MXRA8: variants seen among roughly 807,000 people sequenced by gnomAD.
MXRA8 encodes matrix remodeling-associated protein 8.
Under a neutral mutation model 51.4 loss-of-function variants are expected in MXRA8, and 44 were observed. That is an observed-to-expected ratio of 0.86 (90% CI 0.67 to 1.10). The LOEUF (loss-of-function observed/expected upper bound fraction) is 1.10, where lower values mean the gene tolerates loss of function less well. MXRA8 is among the 50% of genes least tolerant of loss of function. MXRA8 has a pLI of 0.00. For missense variants in MXRA8, 765 were observed against 638.9 expected, an observed-to-expected ratio of 1.20 and a Z score of -2.13; for synonymous variants, 369 against 293.5, an observed-to-expected ratio of 1.26 and a Z score of -2.63.
At chr1:1,358,580 C>T (rs1569809447), upstream of MXRA8, 2 of 1,550,656 alleles carry the variant, frequency 1.3e-6, no homozygotes, top group Non-Finnish European at 1.7e-6. Flanking sequence ...ACCCCCTCCC[C>T]CTCCTTAGCA....
chr1:1,354,320 C>T (rs1170340686), intron 6 of MXRA8, 34 bp downstream of exon 6: 2 of 1,600,924 alleles, frequency 1.2e-6, no homozygotes, highest in African/African-American at 1.3e-5. Flanking sequence ...ACCTCAGTCT[C>T]CTGGGGCCGC....
chr1:1,357,316 G>T (rs920259916), intron 1 of MXRA8, among the ~76,000 whole-genome samples: 1 of 152,122 alleles, frequency 6.6e-6, no homozygotes, highest in Non-Finnish European at 1.5e-5. Flanking sequence ...GCTGCCACCC[G>T]GGACAGTTTC....
At chr1:1,359,475 C>T (rs1442173627), upstream of MXRA8, 3 of 985,472 alleles carry the variant, frequency 3.0e-6, no homozygotes, top group East Asian at 1.1e-4. Context: ...CAACCACAAC[C>T]ACTAGAAACC....
At position 1,353,258 on chromosome 1, in the gene MXRA8, T is replaced by G; in HGVS notation, c.*346A>C. On this transcript the variant is annotated 3_prime_UTR_variant, in exon 10 of 10. Transcript: ENST00000309212. ...CCTGCCCTGAGGCTGACCCCAGTTTTGGGGCTGCCAGGTTCTGATGGGAGT... is the reference window on the plus strand; with the variant it reads ...CCTGCCCTGAGGCTGACCCCAGTTTGGGGGCTGCCAGGTTCTGATGGGAGT... 2 of 1,517,650 alleles carry G rather than the reference T, an allele frequency of 1.3e-6. No individual in the cohort carries two copies. The highest frequency in any genetic ancestry group is 1.8e-6 in the Non-Finnish European group (2 of 1,117,314). The allele number at this position is 1,517,650 out of a possible 1,614,324, so 94.0% of individuals were successfully genotyped here. A position where few individuals can be genotyped will look rare whatever the true frequency, so the allele number is the denominator to read the frequency against.
At chr1:1,361,381 C>G (rs1557688571), upstream of MXRA8, 1 of 698,962 alleles carries the variant, frequency 1.4e-6, no homozygotes, top group Non-Finnish European at 2.6e-6. Context: ...CCATGGCCCT[C>G]TTGGACCCCA....
chr1:1,353,862 A>C lies in MXRA8; in HGVS notation c.1289T>G (p.Ile430Ser), dbSNP rs763565394. 1 of 1,601,302 alleles carries C rather than the reference A, an allele frequency of 6.2e-7. No homozygotes were observed. Among genetic ancestry groups the C allele is most frequent in the Non-Finnish European group, 8.5e-7 (1 of 1,173,886 alleles). The change falls in exon 9 of 10, where the codon ATC becomes AGC. Residue 430 changes from isoleucine to serine, a missense_variant. Ile to Ser is a moderately radical substitution (Grantham distance 142, BLOSUM62 -2). Coordinates refer to ENST00000309212, the MANE Select transcript of MXRA8 (RefSeq NM_032348.4). Reference sequence around the variant, plus strand: ...CCGCCGCTCACCTTTGTCTAGGTCGATGTACTTGGCAGGCAGGGGGCTGTG... The same window carrying C: ...CCGCCGCTCACCTTTGTCTAGGTCGCTGTACTTGGCAGGCAGGGGGCTGTG... The part of the protein sequence containing the change: ...LAHSPLPAKY[I>S]DLDKGFRKEN...
At position 1,353,019 on chromosome 1, in the gene MXRA8, C is replaced by G. The variant is rs1044566367; in HGVS notation, c.*585G>C. 1.6e-5 allele frequency: 9 copies of G among 553,318 alleles called. No individual in the cohort carries two copies. Among genetic ancestry groups the G allele is most frequent in the Non-Finnish European group, 2.2e-5 (7 of 313,880 alleles). The allele number at this position is 553,318 out of a possible 1,614,324, so 34.3% of individuals were successfully genotyped here. On this transcript the variant is annotated 3_prime_UTR_variant, in exon 10 of 10. Transcript: ENST00000309212. ...ACACAGAGGAGCAAGGGCTGGCATT[C>G]AAGTCAGCAGGTCCCTGGGGAGAAC... is the stretch of plus-strand genomic sequence containing the variant.
chr1:1,359,308 AG>A, upstream of MXRA8: 1 of 985,396 alleles, frequency 1.0e-6, no homozygotes, highest in South Asian at 4.7e-5. Context: ...AGCCTCCTGG[AG>A]AAAGGGGAGA....
rs1285225721 is a variant in MXRA8, at chr1:1,354,045, C to T, written c.1207G>A (p.Glu403Lys). Residue 403 changes from glutamate (E) to lysine (K), a missense_variant, in exon 8 of 10, where the codon GAG becomes AAG. Transcript: ENST00000309212. The stretch of plus-strand genomic sequence containing the variant: ...ACTGCCTCACCTAGCTGGATGTCCT[C>T]ACTCCTGTAAAGCATCTGGTCCCCT... The part of the protein sequence containing the change: ...AAGDQMLYRS[E>K]DIQLDYKNNI... The T allele has an allele frequency of 6.2e-7, 1 of 1,612,964 alleles. No individual in the cohort carries two copies. Among genetic ancestry groups the T allele is most frequent in the East Asian group, 2.2e-5 (1 of 44,876 alleles).
At chr1:1,358,780 A>G (rs1042931684), upstream of MXRA8, 9 of 1,219,242 alleles carry the variant, frequency 7.4e-6, no homozygotes, top group Non-Finnish European at 8.3e-6. Flanking sequence ...GAGGGACAAG[A>G]AGGTCCGAGG....
At chr1:1,361,932 C>G (rs750390667), upstream of MXRA8, among the ~76,000 whole-genome samples, 19 of 152,224 alleles carry the variant, frequency 1.2e-4, no homozygotes, top group Non-Finnish European at 2.4e-4. Context: ...CCAAGGGGGT[C>G]TCAAGATATA....
In MXRA8 at chr1:1,358,471, G is replaced by C. The variant is rs1644176784; in HGVS notation, c.34C>G (p.Leu12Val). 1 of 1,612,632 alleles carries C rather than the reference G, an allele frequency of 6.2e-7. No homozygotes were observed. Among genetic ancestry groups the C allele is most frequent in the African/African-American group, 1.3e-5 (1 of 74,882 alleles). Residue 12 changes from leucine to valine, a missense_variant, in exon 1 of 10, where the codon CTT becomes GTT. Leu to Val is a conservative substitution (Grantham distance 32). Coordinates refer to ENST00000309212, the MANE Select transcript of MXRA8 (RefSeq NM_032348.4). ...CCACACTCACTCTGCAGAAGCACAA[G>C]TTTCCAAAGCAGGATTCGGGATGGC... The part of the protein sequence containing the change: ...ALPSRILLWK[L>V]VLLQSSAVLL...
chr1:1,356,374 C>T (rs1224232051), intron 2 of MXRA8, among the ~76,000 whole-genome samples: 2 of 84,998 alleles, frequency 2.4e-5, no homozygotes, highest in African/African-American at 4.8e-5. Flanking sequence ...GGGCAGACCC[C>T]GAAGGCCCTG....
At chr1:1,361,461 G>A, upstream of MXRA8, 1 of 610,548 alleles carries the variant, frequency 1.6e-6, no homozygotes, top group Admixed American at 2.6e-5. Context: ...GGCTGGAGGG[G>A]CGAGGACGGA....
At chr1:1,357,683 G>C (rs186663534) in intron 1 of MXRA8, among the ~76,000 whole-genome samples, 2 of 152,280 alleles carry the variant, frequency 1.3e-5, no homozygotes, top group African/African-American at 4.8e-5. Flanking sequence ...GGTAGTGGGC[G>C]CCTATAGTCC....
chr1:1,355,182 G>A lies in MXRA8; in HGVS notation c.479-30C>T, dbSNP rs780382490. On this transcript the variant is annotated intron_variant, in intron 4 of 9. Coordinates refer to ENST00000309212, the MANE Select transcript of MXRA8 (RefSeq NM_032348.4). Reference sequence around the variant, plus strand: ...GGAGGGGGCGCGGTCAGCGGCGCGCGGGCCGGGGCGGCGGTCGAGGGTCGA... The same window carrying A: ...GGAGGGGGCGCGGTCAGCGGCGCGCAGGCCGGGGCGGCGGTCGAGGGTCGA... 13 of 1,394,170 alleles carry A rather than the reference G, an allele frequency of 9.3e-6. 1 individual carries two copies. The South Asian group carries it at 1.8e-4, about 19-fold the overall frequency. The allele number at this position is 1,394,170 out of a possible 1,614,324, so 86.4% of individuals were successfully genotyped here. A position where few individuals can be genotyped will look rare whatever the true frequency, so the allele number is the denominator to read the frequency against.
Position 1,358,538 on chromosome 1 carries a change from G to T in MXRA8, c.-34C>A, listed in dbSNP as rs369258986. 4 of 1,605,174 alleles carry T rather than the reference G, an allele frequency of 2.5e-6. 1 individual carries two copies. Among genetic ancestry groups the T allele is most frequent in the African/African-American group, 2.7e-5 (2 of 74,600 alleles). On this transcript the variant is annotated 5_prime_UTR_variant, in exon 1 of 10. Transcript: ENST00000309212. The stretch of plus-strand genomic sequence containing the variant: ...CCCAGCCCCAGGCTTTGTCCCACTC[G>T]GCTCTAAGTCTCTCTCCAGAAAAAC...
upstream of MXRA8, among the ~76,000 whole-genome samples, chr1:1,362,622 A>G (rs1478157172): frequency 6.6e-6 from 1 of 151,768 alleles, no homozygotes; most frequent in African/African-American, 2.4e-5. Context: ...TCTACTAAAA[A>G]TACAAAAAAT....
At chr1:1,362,405 G>A (rs1272212070), upstream of MXRA8, among the ~76,000 whole-genome samples, 4 of 152,066 alleles carry the variant, frequency 2.6e-5, no homozygotes, top group Admixed American at 6.6e-5. Context: ...GCAGTGAGAC[G>A]GGCTGCCTGG....
Sources: allele counts gnomAD v4.1 joint callset (sites outside exome capture counted in the v4.1 genomes callset), GRCh38; gene constraint gnomAD v4.1.1; transcripts MANE v1.5; gene names NCBI Gene and HGNC (gene_info 2026-07-23, HGNC 2026-07-21).